Variants in FRAS1 observed in about 807,000 individuals in gnomAD.
FRAS1 encodes Fraser extracellular matrix complex subunit 1.
In FRAS1, 290 loss-of-function variants were observed where a neutral mutation model predicts 435.2. The observed-to-expected ratio is 0.67, with a 90% CI of 0.61 to 0.73. The LOEUF (loss-of-function observed/expected upper bound fraction) is 0.73, where lower values mean the gene tolerates loss of function less well. FRAS1 is among the 30% of genes least tolerant of loss of function. The pLI is 0.00. For synonymous variants in FRAS1, 1,800 were observed against 1,851.0 expected, an observed-to-expected ratio of 0.97 and a Z score of 0.71; for missense variants, 4,860 against 5,001.5, an observed-to-expected ratio of 0.97 and a Z score of 0.85.
chr4:78,204,427 T>A (rs2110078914), intron 2 of FRAS1, among the ~76,000 whole-genome samples: 1 of 152,300 alleles, frequency 6.6e-6, no homozygotes, highest in African/African-American at 2.4e-5. Flanking sequence ...TTTCCCAAAG[T>A]AAATGTAGCT....
intron 14 of FRAS1, among the ~76,000 whole-genome samples, chr4:78,302,021 C>G (rs1179134613): frequency 6.6e-6 from 1 of 151,076 alleles, no homozygotes. Context: ...CACCCCACAA[C>G]AGTCACCAGA....
intron 33 of FRAS1, 85 bp from the exon 34 acceptor site, chr4:78,421,777 AC>A: frequency 6.8e-7 from 1 of 1,459,898 alleles, no homozygotes. Flanking sequence ...ACTCCCACCA[AC>A]AAGAAGAGCA....
chr4:78,249,078 T>TATGC (rs753675300), intron 4 of FRAS1, among the ~76,000 whole-genome samples: 1 of 112,442 alleles, frequency 8.9e-6, no homozygotes, highest in East Asian at 2.4e-4. Flanking sequence ...TATATATATA[T>TATGC]ATATATATGC....
At chr4:78,537,475 C>G (rs1211327886) in intron 72 of FRAS1, among the ~76,000 whole-genome samples, 1 of 152,198 alleles carries the variant, frequency 6.6e-6, no homozygotes, top group African/African-American at 2.4e-5. Flanking sequence ...TCCCCATACT[C>G]TTTCAGGGAG....
chr4:78,104,267 T>A (rs1369138305), intron 2 of FRAS1, among the ~76,000 whole-genome samples: 1 of 152,242 alleles, frequency 6.6e-6, no homozygotes, highest in African/African-American at 2.4e-5. Flanking sequence ...TTCACTACAG[T>A]TCCTTTGGCA....
chr4:78,140,590 T>C (rs1720117394), intron 2 of FRAS1, among the ~76,000 whole-genome samples: 1 of 151,994 alleles, frequency 6.6e-6, no homozygotes, highest in Admixed American at 6.6e-5. Flanking sequence ...CATCAATCAA[T>C]GAGTGGATAA....
intron 2 of FRAS1, among the ~76,000 whole-genome samples, chr4:78,212,889 G>A (rs1373924858): frequency 6.6e-6 from 1 of 152,222 alleles, no homozygotes; most frequent in Non-Finnish European, 1.5e-5. Context: ...AAGCAAAGTT[G>A]AGCAGAGAGA....
At chr4:78,291,117 C>T (rs549781424) in intron 14 of FRAS1, among the ~76,000 whole-genome samples, 2 of 152,200 alleles carry the variant, frequency 1.3e-5, no homozygotes, top group Non-Finnish European at 2.9e-5. Context: ...TTCTTTAACT[C>T]CACTCTTCAA....
intron 7 of FRAS1, among the ~76,000 whole-genome samples, chr4:78,266,575 C>CT (rs1376138551): frequency 6.6e-6 from 1 of 152,234 alleles, no homozygotes; most frequent in African/African-American, 2.4e-5. Flanking sequence ...TCTCGGGTCT[C>CT]TATGTGCCTG....
chr4:78,491,085 C>T (rs983243907), intron 59 of FRAS1, among the ~76,000 whole-genome samples: 14 of 152,126 alleles, frequency 9.2e-5, no homozygotes, highest in Non-Finnish European at 1.5e-4. Flanking sequence ...TGGACACATA[C>T]GCCCTCTCAA....
chr4:78,284,421 T>C lies in FRAS1; in HGVS notation c.1272T>C (p.Asp424=). 1 of 1,613,790 alleles carries C rather than the reference T, an allele frequency of 6.2e-7. No homozygotes were observed. Among genetic ancestry groups the C allele is most frequent in the Non-Finnish European group, 8.5e-7 (1 of 1,179,840 alleles). Residue 424 remains aspartate, a synonymous_variant, in exon 13 of 74, where the codon GAT becomes GAC. Coordinates refer to ENST00000512123, the MANE Select transcript of FRAS1 (RefSeq NM_025074.7). ...TGATTTCAGTTCATTGCCATCCAGA[T>C]TGTTTGACATGCTCTCAGTCTCCAG... ...PDCTSVHCHP[D]CLTCSQSPDH... is the part of the protein sequence containing the mutation.
intron 2 of FRAS1, among the ~76,000 whole-genome samples, chr4:78,232,928 T>C (rs982960286): frequency 3.9e-5 from 6 of 152,184 alleles, no homozygotes; most frequent in African/African-American, 1.4e-4. Context: ...GGTAAACATA[T>C]CAGGAAGGCT....
chr4:78,232,537 A>G (rs555070008), intron 2 of FRAS1, among the ~76,000 whole-genome samples: 126 of 152,232 alleles, frequency 8.3e-4, no homozygotes, highest in African/African-American at 2.7e-3. Flanking sequence ...TGCCTGCCTC[A>G]GCCTCCCAAA....
intron 50 of FRAS1, among the ~76,000 whole-genome samples, chr4:78,467,232 C>A (rs372252123): frequency 6.6e-6 from 1 of 152,170 alleles, no homozygotes; most frequent in African/African-American, 2.4e-5. Flanking sequence ...CCTTACTACT[C>A]TTCCCAGCCT....
intron 60 of FRAS1, 120 bp downstream of exon 60, chr4:78,497,081 C>G: frequency 1.3e-6 from 1 of 762,340 alleles, no homozygotes. Context: ...ATAACATTCT[C>G]TGAATATTTA....
chr4:78,154,242 C>G (rs1720788401), intron 2 of FRAS1, among the ~76,000 whole-genome samples: 1 of 152,106 alleles, frequency 6.6e-6, no homozygotes, highest in Non-Finnish European at 1.5e-5. Flanking sequence ...TTCATGGACA[C>G]ACACAGGTAA....
intron 58 of FRAS1, among the ~76,000 whole-genome samples, chr4:78,488,253 C>T (rs547126136): frequency 6.6e-6 from 1 of 152,344 alleles, no homozygotes; most frequent in African/African-American, 2.4e-5. Context: ...TTTCTTTTCA[C>T]TATTTTATTT....
chr4:78,525,550 C>G (rs1721508073), intron 69 of FRAS1, among the ~76,000 whole-genome samples: 1 of 152,168 alleles, frequency 6.6e-6, no homozygotes, highest in East Asian at 1.9e-4. Context: ...TGTTTTTAAC[C>G]AAATCTTTGC....
Position 78,395,895 on chromosome 4 carries a change from G to T in FRAS1, c.3976-4839G>T, listed in dbSNP as rs866799460. ...AGAACTTACCTATTGCCATTTCGTT[G>T]TTTTCTGACTGTTTTGTAGTTCCTG... On this transcript the variant is annotated intron_variant, in intron 29 of 73. Transcript: ENST00000512123. Among the ~76,000 whole-genome samples the T allele has an allele frequency of 3.3e-5, 5 of 151,820 alleles. No homozygotes were observed. The South Asian group carries it at 1.0e-3, about 32-fold the overall frequency.
Sources: allele counts gnomAD v4.1 joint callset (sites outside exome capture counted in the v4.1 genomes callset), GRCh38; gene constraint gnomAD v4.1.1; transcripts MANE v1.5; gene names NCBI Gene and HGNC (gene_info 2026-07-23, HGNC 2026-07-21).